Variants in CNBD1 observed in about 807,000 individuals in gnomAD.
The protein encoded by CNBD1 is cyclic nucleotide-binding domain-containing protein 1.
A neutral mutation model predicts 54.4 loss-of-function variants in CNBD1; 71 were observed. That is an observed-to-expected ratio of 1.30 (90% CI 1.08 to 1.59). The LOEUF (loss-of-function observed/expected upper bound fraction) is 1.59. CNBD1 is among the 40% of genes most tolerant of loss of function. The probability of loss-of-function intolerance (pLI) is 0.00; values close to 1 mark genes in which losing one functional copy is unlikely to be tolerated. For synonymous variants in CNBD1, 182 were observed against 170.7 expected (o/e 1.07, Z -0.51); for missense variants, 659 against 518.0 (o/e 1.27, Z -2.64).
chr8:86,912,496 C>T (rs550029958), intron 3 of CNBD1, among the ~76,000 whole-genome samples: 2 of 152,222 alleles, frequency 1.3e-5, no homozygotes, highest in East Asian at 1.9e-4. Context: ...GACTTCATAG[C>T]TGCCTGTAAT....
At chr8:87,400,306 A>G (rs1563587617) in intron 2 of CNBD1, among the ~76,000 whole-genome samples, 1 of 152,022 alleles carries the variant, frequency 6.6e-6, no homozygotes, top group Non-Finnish European at 1.5e-5. Context: ...ACAACTGAGA[A>G]GATTATTTAA....
intron 4 of CNBD1, among the ~76,000 whole-genome samples, chr8:87,070,140 C>T (rs1453780935): frequency 6.6e-6 from 1 of 152,108 alleles, no homozygotes; most frequent in East Asian, 1.9e-4. Flanking sequence ...TTACTTAGTC[C>T]TGGTGAGGAA....
Position 87,361,480 on chromosome 8 carries a change from A to G in CNBD1, c.1303+7694A>G, listed in dbSNP as rs1370543681. Among the ~76,000 whole-genome samples the G allele has an allele frequency of 3.3e-5, 5 of 151,836 alleles. No individual in the cohort carries two copies. The South Asian group carries it at 6.2e-4, about 19-fold the overall frequency. On this transcript the variant is annotated intron_variant, in intron 10 of 10. Transcript: ENST00000518476. ...GAAGATGATATAGCTTACCATTAAT[A>G]GATGAAAAAGCAATTTCACTATAAA...
At position 87,206,147 on chromosome 8, in the gene CNBD1, C is replaced by G. The variant is rs779924438; in HGVS notation, c.577+9C>G. 9.0e-5 allele frequency: 140 copies of G among 1,548,344 alleles called. 2 individuals carry two copies. Among genetic ancestry groups the G allele is most frequent in the Non-Finnish European group, 9.8e-5 (113 of 1,149,270 alleles). ...GTTGAAAGGCAGCACAGGTAATAGA[C>G]TAATGTGGGATAAATTTGGCGAGAT... On this transcript the variant is annotated intron_variant, in intron 5 of 10. Transcript: ENST00000518476.
At chr8:87,391,117 G>C (rs1053376353) in intron 2 of CNBD1, among the ~76,000 whole-genome samples, 1 of 152,040 alleles carries the variant, frequency 6.6e-6, no homozygotes, top group Non-Finnish European at 1.5e-5. Flanking sequence ...GGGAGGGATA[G>C]CATTAGGATA....
At chr8:86,933,253 G>C (rs1008327481) in intron 3 of CNBD1, among the ~76,000 whole-genome samples, 7 of 152,024 alleles carry the variant, frequency 4.6e-5, no homozygotes, top group Admixed American at 2.6e-4. Context: ...ACTTATATAA[G>C]ACTGGTCATA....
chr8:87,222,136 T>G (rs1361188224), intron 5 of CNBD1, among the ~76,000 whole-genome samples: 1 of 152,104 alleles, frequency 6.6e-6, no homozygotes, highest in Non-Finnish European at 1.5e-5. Flanking sequence ...ATATTTTTCC[T>G]AGGCTTCCAT....
At chr8:87,050,557 G>T (rs1290906444) in intron 4 of CNBD1, among the ~76,000 whole-genome samples, 1 of 152,190 alleles carries the variant, frequency 6.6e-6, no homozygotes, top group Middle Eastern at 3.2e-3. Context: ...CACTGTCCAG[G>T]TTAGTTGGGC....
chr8:86,960,093 G>C (rs1005458772), intron 4 of CNBD1, among the ~76,000 whole-genome samples: 1 of 152,136 alleles, frequency 6.6e-6, no homozygotes, highest in Non-Finnish European at 1.5e-5. Flanking sequence ...TGGGTGATTT[G>C]TGCATTTCCA....
Position 87,266,502 on chromosome 8 carries a change from A to T in CNBD1, c.772-18176A>T, listed in dbSNP as rs1808262664. 5.2e-5 allele frequency among the ~76,000 whole-genome samples: 6 copies of T among 114,298 alleles called. No homozygotes were observed. In the South Asian group the frequency reaches 1.8e-3, roughly 35 times the overall value. 75.0% of individuals were successfully genotyped at this position (114,298 alleles called of 152,430 possible). ...GTTTTGCTCTTGCTGCCCAGGCTGC[A>T]GTGCAATGGCACTATGTCGGCTCAC... On this transcript the variant is annotated intron_variant, in intron 6 of 10. Coordinates refer to ENST00000518476, the MANE Select transcript of CNBD1 (RefSeq NM_173538.3).
chr8:87,016,793 A>G (rs1377787081), intron 4 of CNBD1, among the ~76,000 whole-genome samples: 1 of 152,334 alleles, frequency 6.6e-6, no homozygotes, highest in Non-Finnish European at 1.5e-5. Context: ...CTAGTAGGCC[A>G]GATAATGCCC....
chr8:87,086,344 T>G (rs972328751), intron 4 of CNBD1, among the ~76,000 whole-genome samples: 16 of 152,242 alleles, frequency 1.1e-4, no homozygotes, highest in African/African-American at 3.6e-4. Flanking sequence ...ACAAGATTTT[T>G]GCTGAGTAAC....
rs552315538 is a variant in CNBD1, at chr8:87,111,140, C to T, written c.432-94853C>T. ...GATGTTATATTTTTTGATTTACTAA[C>T]GTGGTCTGTTTCAGGGACTTGCACT... On this transcript the variant is annotated intron_variant, in intron 4 of 10. Transcript: ENST00000518476. 6.6e-5 allele frequency among the ~76,000 whole-genome samples: 10 copies of T among 152,278 alleles called. 1 individual carries two copies. Among genetic ancestry groups the T allele is most frequent in the Middle Eastern group, 3.4e-3 (1 of 292 alleles).
intron 4 of CNBD1, among the ~76,000 whole-genome samples, chr8:87,004,392 A>G (rs988611997): frequency 2.0e-5 from 3 of 152,192 alleles, no homozygotes; most frequent in Non-Finnish European, 2.9e-5. Flanking sequence ...GCATGGATCA[A>G]TTTTAAACAC....
At chr8:87,151,755 T>TA (rs60249460) in intron 4 of CNBD1, among the ~76,000 whole-genome samples, 10,822 of 152,232 alleles carry the variant, frequency 0.071, 1,187 homozygotes, top group African/African-American at 0.23. Flanking sequence ...AAATGCATAT[T>TA]AAAAATATTT....
At chr8:86,903,557 A>C (rs1287306391) in intron 2 of CNBD1, among the ~76,000 whole-genome samples, 1 of 152,070 alleles carries the variant, frequency 6.6e-6, no homozygotes, top group African/African-American at 2.4e-5. Flanking sequence ...GTGTTTTATT[A>C]AATGGGGGAC....
At chr8:87,377,916 T>C (rs966305115) in intron 10 of CNBD1, among the ~76,000 whole-genome samples, 11 of 150,134 alleles carry the variant, frequency 7.3e-5, no homozygotes, top group African/African-American at 2.7e-4. Flanking sequence ...ATGATGAGCA[T>C]TTTTTCATGT....
intron 6 of CNBD1, among the ~76,000 whole-genome samples, chr8:87,279,488 C>T (rs1808549840): frequency 6.6e-6 from 1 of 151,138 alleles, no homozygotes; most frequent in Non-Finnish European, 1.5e-5. Flanking sequence ...GTATGATTAC[C>T]CACCTTATTA....
intron 10 of CNBD1, among the ~76,000 whole-genome samples, chr8:87,360,232 T>C (rs965886608): frequency 6.6e-6 from 1 of 151,950 alleles, no homozygotes; most frequent in South Asian, 2.1e-4. Context: ...ACTGGAGAAT[T>C]ATATATGCAA....
Sources: allele counts gnomAD v4.1 joint callset (sites outside exome capture counted in the v4.1 genomes callset), GRCh38; gene constraint gnomAD v4.1.1; transcripts MANE v1.5; gene names NCBI Gene and HGNC (gene_info 2026-07-23, HGNC 2026-07-21).